Variants in HAPLN1 observed in about 807,000 individuals in gnomAD.
HAPLN1 encodes the protein Cartilage link protein.
HAPLN1 carries 13 observed loss-of-function variants against 36.5 expected under a neutral mutation model. The ratio of observed to expected loss-of-function variants is 0.36; its 90% CI spans 0.23 to 0.57. HAPLN1 has a LOEUF of 0.57. Ranked by LOEUF, HAPLN1 falls within the 20% of genes least tolerant of loss-of-function variation. HAPLN1 has a pLI of 0.83. For synonymous variants in HAPLN1, 202 were observed against 169.8 expected (o/e 1.19, Z -1.48); for missense variants, 407 against 439.7 (o/e 0.93, Z 0.66).
rs1282660952 is a variant in HAPLN1, at chr5:83,637,829, A to G, written c.*3667T>C. 3 of 152,040 alleles carry G rather than the reference A, an allele frequency of 2.0e-5. No homozygotes were observed. Among genetic ancestry groups the G allele is most frequent in the African/African-American group, 7.2e-5 (3 of 41,450 alleles). The allele number at this position is 152,040 out of a possible 1,614,324, so 9.4% of individuals were successfully genotyped here. A position where few individuals can be genotyped will look rare whatever the true frequency, so the allele number is the denominator to read the frequency against. On this transcript the variant is annotated 3_prime_UTR_variant, in exon 5 of 5. Transcript: ENST00000274341. ...GTATGAAAAGAAAAACCTTTTTTTA[A>G]TTCAGCACTCATGATTAAGTTATAA...
intron 2 of HAPLN1, among the ~76,000 whole-genome samples, chr5:83,670,261 G>A (rs917184848): frequency 1.3e-5 from 2 of 152,112 alleles, no homozygotes; most frequent in South Asian, 2.1e-4. Context: ...ATGGTCTCAA[G>A]TTTCAAAGGA....
chr5:83,647,307 T>A (rs1261137447), intron 3 of HAPLN1, among the ~76,000 whole-genome samples: 3 of 152,214 alleles, frequency 2.0e-5, no homozygotes, highest in Non-Finnish European at 2.9e-5. Context: ...AACTAAGTGT[T>A]GTATCAGCTC....
At chr5:83,649,167 C>T (rs1749972812) in intron 3 of HAPLN1, among the ~76,000 whole-genome samples, 1 of 152,146 alleles carries the variant, frequency 6.6e-6, no homozygotes, top group African/African-American at 2.4e-5. Flanking sequence ...CTTTTTGAAG[C>T]TGGATGATGA....
chr5:83,684,877 G>A (rs1751085540), intron 1 of HAPLN1, among the ~76,000 whole-genome samples: 2 of 152,096 alleles, frequency 1.3e-5, no homozygotes, highest in Non-Finnish European at 2.9e-5. Context: ...AGTACAAAGA[G>A]GGATCTTCTC....
At chr5:83,670,499 T>C (rs1750678187) in intron 2 of HAPLN1, among the ~76,000 whole-genome samples, 1 of 152,230 alleles carries the variant, frequency 6.6e-6, no homozygotes, top group South Asian at 2.1e-4. Flanking sequence ...GATCAAATTA[T>C]TTCAATGAAA....
chr5:83,669,657 G>C (rs756691480), intron 2 of HAPLN1, among the ~76,000 whole-genome samples: 10 of 152,148 alleles, frequency 6.6e-5, no homozygotes, highest in Non-Finnish European at 1.0e-4. Context: ...TGAAAAGCAT[G>C]AATTTTTTTG....
intron 1 of HAPLN1, among the ~76,000 whole-genome samples, chr5:83,716,464 C>G (rs558225608): frequency 6.6e-6 from 1 of 152,086 alleles, no homozygotes; most frequent in Non-Finnish European, 1.5e-5. Flanking sequence ...CCTGTTAAGC[C>G]GTAAAACAAT....
rs537227636 is a variant in HAPLN1 at position 83,667,409 on chromosome 5, C to T, written c.100+6015G>A. On this transcript the variant is annotated intron_variant, in intron 2 of 4. Coordinates refer to ENST00000274341, the MANE Select transcript of HAPLN1 (RefSeq NM_001884.4). The stretch of plus-strand genomic sequence containing the variant: ...TGATGTGCTAATTTTTATAATTCCA[C>T]GATGGAATTCTCTGATGTTTTATAG... Among the ~76,000 whole-genome samples, 66 of 151,908 alleles carry T rather than the reference C, an allele frequency of 4.3e-4. No homozygotes were observed. In the South Asian group the frequency reaches 0.013, roughly 30 times the overall value.
intron 1 of HAPLN1, among the ~76,000 whole-genome samples, chr5:83,698,310 T>A (rs1751438149): frequency 1.7e-5 from 1 of 60,284 alleles, no homozygotes; most frequent in Admixed American, 1.6e-4. Flanking sequence ...ATGTTATTTT[T>A]TTCTTTTTCT....
chr5:83,663,319 CAT>C (rs1750463236), intron 2 of HAPLN1, among the ~76,000 whole-genome samples: 1 of 152,118 alleles, frequency 6.6e-6, no homozygotes, highest in Non-Finnish European at 1.5e-5. Flanking sequence ...TTTAAAAAAT[CAT>C]ATGAGAAAAG....
chr5:83,713,208 TG>T (rs1477720688), intron 1 of HAPLN1, among the ~76,000 whole-genome samples: 6 of 152,182 alleles, frequency 3.9e-5, no homozygotes, highest in African/African-American at 1.2e-4. Flanking sequence ...CTAGACATTT[TG>T]GGGTCTTACT....
intron 1 of HAPLN1, among the ~76,000 whole-genome samples, chr5:83,686,524 G>A (rs1376701543): frequency 6.6e-6 from 1 of 152,168 alleles, no homozygotes; most frequent in Non-Finnish European, 1.5e-5. Flanking sequence ...CAACAATAAA[G>A]TAAGAAGGAT....
intron 3 of HAPLN1, among the ~76,000 whole-genome samples, chr5:83,647,161 T>G (rs1157324265): frequency 6.6e-6 from 1 of 152,238 alleles, no homozygotes; most frequent in Non-Finnish European, 1.5e-5. Context: ...ATTACTTAAA[T>G]ACGATTTAGT....
At chr5:83,659,975 ACTC>A (rs1356692224) in intron 2 of HAPLN1, among the ~76,000 whole-genome samples, 1 of 151,604 alleles carries the variant, frequency 6.6e-6, no homozygotes, top group Admixed American at 6.6e-5. Context: ...ACGAGATTGT[ACTC>A]CTCCCATCCA....
intron 2 of HAPLN1, among the ~76,000 whole-genome samples, chr5:83,653,045 A>C (rs767623176): frequency 6.6e-6 from 1 of 152,144 alleles, no homozygotes; most frequent in Admixed American, 6.5e-5. Context: ...AGGAAGTTAC[A>C]TTATCGTCAG....
At chr5:83,712,216 T>C (rs1236720302) in intron 1 of HAPLN1, among the ~76,000 whole-genome samples, 1 of 152,180 alleles carries the variant, frequency 6.6e-6, no homozygotes, top group East Asian at 1.9e-4. Flanking sequence ...ATATAACATG[T>C]AATTAACAAG....
In HAPLN1 at chr5:83,641,664, G is replaced by A. The variant is rs151206208; in HGVS notation, c.897C>T (p.Leu299=). ...VGQIFAAWKI[L]GYDRCDAGWL... The stretch of plus-strand genomic sequence containing the variant: ...AGCCCGCATCACAGCGGTCATATCC[G>A]AGAATTTTCCAGGCAGCAAATATCT... Residue 299 remains leucine (L), a synonymous_variant, in exon 5 of 5, where the codon CTC becomes CTT. Transcript: ENST00000274341. 17 of 1,614,170 alleles carry A rather than the reference G, an allele frequency of 1.1e-5. No homozygotes were observed. Among genetic ancestry groups the A allele is most frequent in the African/African-American group, 4.0e-5 (3 of 75,028 alleles).
At position 83,638,600 on chromosome 5, in the gene HAPLN1, T is replaced by A. The variant is rs1749588655; in HGVS notation, c.*2896A>T. The stretch of plus-strand genomic sequence containing the variant: ...CTAAAATCAAGAAACCCAGAATGGC[T>A]GCCAGCAACCAAATTGTAATCTCCT... On this transcript the variant is annotated 3_prime_UTR_variant, in exon 5 of 5. Coordinates refer to ENST00000274341, the MANE Select transcript of HAPLN1 (RefSeq NM_001884.4). 1 of 152,082 alleles carries A rather than the reference T, an allele frequency of 6.6e-6. No homozygotes were observed. Among genetic ancestry groups the A allele is most frequent in the South Asian group, 2.1e-4 (1 of 4,830 alleles). 9.4% of individuals were successfully genotyped at this position (152,082 alleles called of 1,614,324 possible).
intron 1 of HAPLN1, chr5:83,686,142 C>CAAAAAAAAAAAAAAAAAAAAAAAAA (rs535353958): frequency 1.2e-5 from 1 of 81,642 alleles, no homozygotes; most frequent in Non-Finnish European, 2.3e-5. Context: ...AAAATGTAGC[C>CAAAAAAAAAAAAAAAAAAAAAAAAA]AAAAAAAAAA....
Sources: allele counts gnomAD v4.1 joint callset (sites outside exome capture counted in the v4.1 genomes callset), GRCh38; gene constraint gnomAD v4.1.1; transcripts MANE v1.5; gene names NCBI Gene and HGNC (gene_info 2026-07-23, HGNC 2026-07-21).